The following MPP7 variants were observed in gnomAD, a reference collection of about 807,000 sequenced individuals.
The protein encoded by MPP7 is MAGUK p55 subfamily member 7.
A neutral mutation model predicts 76.5 loss-of-function variants in MPP7; 60 were observed. That is an observed-to-expected ratio of 0.78 (90% CI 0.64 to 0.97). The LOEUF (loss-of-function observed/expected upper bound fraction) is 0.97. MPP7 is among the 50% of genes least tolerant of loss of function. MPP7 has a pLI of 0.00. For synonymous variants in MPP7, 237 were observed against 244.5 expected, an observed-to-expected ratio of 0.97 and a Z score of 0.29; for missense variants, 641 against 694.0, an observed-to-expected ratio of 0.92 and a Z score of 0.86.
At chr10:28,181,767 T>A (rs1173577564) in intron 3 of MPP7, among the ~76,000 whole-genome samples, 1 of 152,188 alleles carries the variant, frequency 6.6e-6, no homozygotes, top group Non-Finnish European at 1.5e-5. Flanking sequence ...TACCCATAAT[T>A]AGACTAGGTG....
chr10:28,296,545 G>T (rs934729468), intron 1 of MPP7, among the ~76,000 whole-genome samples: 1 of 152,182 alleles, frequency 6.6e-6, no homozygotes, highest in Non-Finnish European at 1.5e-5. Flanking sequence ...AACATTGCCA[G>T]TTCTATACCC....
At chr10:28,188,673 T>C (rs971566634) in intron 3 of MPP7, among the ~76,000 whole-genome samples, 11 of 152,306 alleles carry the variant, frequency 7.2e-5, no homozygotes, top group Non-Finnish European at 1.3e-4. Context: ...GTAAAGCCCA[T>C]TGAAGACTAC....
intron 2 of MPP7, among the ~76,000 whole-genome samples, chr10:28,328,165 A>AT (rs978345654): frequency 6.6e-5 from 10 of 152,110 alleles, no homozygotes; most frequent in Non-Finnish European, 8.8e-5. Flanking sequence ...TTTAATTCTG[A>AT]TTTTTTTAAG....
chr10:28,223,811 C>T (rs780563209), intron 2 of MPP7, among the ~76,000 whole-genome samples: 28 of 151,330 alleles, frequency 1.9e-4, no homozygotes, highest in Non-Finnish European at 3.7e-4. Flanking sequence ...TAATATTAGG[C>T]TTCATTCCAA....
intron 2 of MPP7, among the ~76,000 whole-genome samples, chr10:28,320,509 AT>A (rs1298895008): frequency 1.3e-5 from 2 of 152,094 alleles, no homozygotes; most frequent in Non-Finnish European, 2.9e-5. Context: ...TTATTATTTT[AT>A]TTTTTACAAT....
At chr10:28,087,790 G>A (rs1052647244) in intron 12 of MPP7, among the ~76,000 whole-genome samples, 8 of 152,168 alleles carry the variant, frequency 5.3e-5, no homozygotes, top group African/African-American at 1.9e-4. Context: ...TGGTGAAGGA[G>A]GCAGCACAGA....
chr10:28,230,235 G>C (rs545558522), intron 2 of MPP7, among the ~76,000 whole-genome samples: 1 of 152,212 alleles, frequency 6.6e-6, no homozygotes, highest in East Asian at 1.9e-4. Flanking sequence ...ATAGGACAAA[G>C]AGAAAGCATA....
At chr10:28,093,088 A>G (rs538212870) in intron 11 of MPP7, among the ~76,000 whole-genome samples, 159 of 152,282 alleles carry the variant, frequency 1.0e-3, no homozygotes, top group Non-Finnish European at 1.9e-3. Context: ...CTGGTTTAGA[A>G]CAAAGATGAT....
intron 1 of MPP7, among the ~76,000 whole-genome samples, chr10:28,248,215 A>T (rs1448911368): frequency 6.6e-6 from 1 of 152,128 alleles, no homozygotes; most frequent in East Asian, 1.9e-4. Context: ...CCTGGAATGA[A>T]TCTATCTGAT....
chr10:28,164,998 C>T (rs1458071287), intron 3 of MPP7, among the ~76,000 whole-genome samples: 1 of 152,140 alleles, frequency 6.6e-6, no homozygotes, highest in African/African-American at 2.4e-5. Context: ...TAATGAATGG[C>T]TTAACACAAT....
chr10:28,308,907 A>G (rs1454910863), intron 2 of MPP7, among the ~76,000 whole-genome samples: 2 of 131,032 alleles, frequency 1.5e-5, no homozygotes, highest in Non-Finnish European at 3.3e-5. Context: ...GTTAATTAAC[A>G]CCAAGGACAC....
intron 2 of MPP7, among the ~76,000 whole-genome samples, chr10:28,319,932 G>A (rs1834350403): frequency 6.6e-6 from 1 of 151,170 alleles, no homozygotes. Context: ...GCTGAGATAG[G>A]ACAACAGAGA....
chr10:28,182,280 A>G (rs1355899978), intron 3 of MPP7, among the ~76,000 whole-genome samples: 1 of 152,184 alleles, frequency 6.6e-6, no homozygotes, highest in Non-Finnish European at 1.5e-5. Context: ...AAACAAGGAG[A>G]TATTATGGTA....
intron 11 of MPP7, among the ~76,000 whole-genome samples, chr10:28,099,268 A>G (rs559826999): frequency 1.3e-5 from 2 of 152,320 alleles, no homozygotes; most frequent in Admixed American, 1.3e-4. Flanking sequence ...TGTTAACTCA[A>G]AGAAAATCAA....
At chr10:28,085,747 G>A (rs1852977312) in intron 12 of MPP7, among the ~76,000 whole-genome samples, 2 of 151,988 alleles carry the variant, frequency 1.3e-5, no homozygotes, top group Non-Finnish European at 2.9e-5. Context: ...CTGAGAATCA[G>A]GAATCAAACT....
At chr10:28,076,219 A>T (rs771177860) in intron 12 of MPP7, among the ~76,000 whole-genome samples, 4 of 152,178 alleles carry the variant, frequency 2.6e-5, no homozygotes, top group Non-Finnish European at 5.9e-5. Context: ...GCTGCCATGT[A>T]ACAGAGAGGA....
At chr10:28,264,223 C>G (rs1190798914) in intron 1 of MPP7, among the ~76,000 whole-genome samples, 1 of 152,062 alleles carries the variant, frequency 6.6e-6, no homozygotes, top group East Asian at 1.9e-4. Context: ...GGCAGGAGTT[C>G]AAGGTTACAG....
At chr10:28,207,242 C>T (rs1179721358) in intron 2 of MPP7, among the ~76,000 whole-genome samples, 1 of 151,802 alleles carries the variant, frequency 6.6e-6, no homozygotes, top group Non-Finnish European at 1.5e-5. Flanking sequence ...TCATAAAATT[C>T]TCCAGTATAT....
At chr10:28,269,531 T>C (rs2133015822) in intron 1 of MPP7, among the ~76,000 whole-genome samples, 1 of 151,562 alleles carries the variant, frequency 6.6e-6, no homozygotes, top group Admixed American at 6.6e-5. Flanking sequence ...TTATCTTTTT[T>C]TTTTTTTTTT....
Sources: allele counts gnomAD v4.1 joint callset (sites outside exome capture counted in the v4.1 genomes callset), GRCh38; gene constraint gnomAD v4.1.1; transcripts MANE v1.5; gene names NCBI Gene and HGNC (gene_info 2026-07-23, HGNC 2026-07-21).